Variants in RGS7 observed in about 807,000 individuals in gnomAD.
The protein encoded by RGS7 is regulator of G protein signaling 7, also known as regulator of G-protein signaling 7.
RGS7 carries 27 observed loss-of-function variants against 81.1 expected under a neutral mutation model. The observed-to-expected ratio is 0.33, with a 90% confidence interval of 0.25 to 0.46. The LOEUF is 0.46. RGS7 is among the 20% of genes least tolerant of loss of function. RGS7 has a pLI of 1.00. For synonymous variants in RGS7, 208 were observed against 207.7 expected, an observed-to-expected ratio of 1.00 and a Z score of -0.01; for missense variants, 396 against 607.4, an observed-to-expected ratio of 0.65 and a Z score of 3.66.
At chr1:241,033,362 G>T (rs1254287444) in intron 3 of RGS7, among the ~76,000 whole-genome samples, 3 of 152,000 alleles carry the variant, frequency 2.0e-5, no homozygotes, top group South Asian at 2.1e-4. Context: ...AAAAAAGCTG[G>T]CTGGGGGAGC....
intron 6 of RGS7, among the ~76,000 whole-genome samples, chr1:240,905,954 A>C (rs930242726): frequency 7.2e-5 from 11 of 152,208 alleles, no homozygotes; most frequent in Non-Finnish European, 1.6e-4. Flanking sequence ...GAAATTCACC[A>C]GTGAAAATGC....
chr1:241,112,777 G>T (rs1254396200), intron 2 of RGS7, among the ~76,000 whole-genome samples: 1 of 152,146 alleles, frequency 6.6e-6, no homozygotes, highest in African/African-American at 2.4e-5. Context: ...TTGTACCCTT[G>T]CTAGTGTTGC....
chr1:241,251,872 T>C (rs1231367688), intron 2 of RGS7, among the ~76,000 whole-genome samples: 1 of 151,964 alleles, frequency 6.6e-6, no homozygotes, highest in Non-Finnish European at 1.5e-5. Context: ...GGAAATCCTT[T>C]TGCCACTCTC....
At chr1:240,789,704 T>G (rs973455118) in intron 18 of RGS7, among the ~76,000 whole-genome samples, 2 of 152,162 alleles carry the variant, frequency 1.3e-5, no homozygotes, top group Non-Finnish European at 2.9e-5. Context: ...AGTTGTCTGC[T>G]CTCAAACCCT....
At chr1:240,926,060 C>T (rs976291764) in intron 6 of RGS7, among the ~76,000 whole-genome samples, 1 of 152,116 alleles carries the variant, frequency 6.6e-6, no homozygotes, top group East Asian at 1.9e-4. Flanking sequence ...ATATTTTCTG[C>T]CATCCTCTAG....
At chr1:241,207,123 C>T (rs1249577724) in intron 2 of RGS7, among the ~76,000 whole-genome samples, 2 of 151,566 alleles carry the variant, frequency 1.3e-5, no homozygotes, top group Admixed American at 6.6e-5. Context: ...TGCCCACCAC[C>T]ACGCCCGGCT....
chr1:240,898,641 TGA>T (rs1358134677), intron 6 of RGS7, among the ~76,000 whole-genome samples: 9 of 152,236 alleles, frequency 5.9e-5, no homozygotes, highest in Admixed American at 2.0e-4. Context: ...CACTGTGGTC[TGA>T]GAGACAGTTT....
At chr1:241,288,239 G>C (rs987934118) in intron 2 of RGS7, among the ~76,000 whole-genome samples, 2 of 152,162 alleles carry the variant, frequency 1.3e-5, no homozygotes, top group Non-Finnish European at 2.9e-5. Context: ...GGCTGGTAGT[G>C]TCTCTATTTT....
chr1:241,098,945 A>G (rs747734643), intron 2 of RGS7, among the ~76,000 whole-genome samples, 183 bp from the exon 3 acceptor site: 1 of 152,246 alleles, frequency 6.6e-6, no homozygotes, highest in African/African-American at 2.4e-5. Context: ...GGAAACAGCA[A>G]GAAAAACAGC....
rs2077766049 is a variant in RGS7, at chr1:241,269,627, T to C, written c.78+86072A>G. ...ATGAGAAAAGATTAAGTCAGGAAAATTGAAAAAGAAGGAGACAAATTGAAA... is the reference window on the plus strand; with the variant it reads ...ATGAGAAAAGATTAAGTCAGGAAAACTGAAAAAGAAGGAGACAAATTGAAA... On this transcript the variant is annotated intron_variant, in intron 2 of 18. Transcript: ENST00000440928. Among the ~76,000 whole-genome samples the C allele has an allele frequency of 2.6e-5, 4 of 151,822 alleles. No individual in the cohort carries two copies. The South Asian group carries it at 8.3e-4, about 32-fold the overall frequency.
intron 5 of RGS7, among the ~76,000 whole-genome samples, chr1:240,935,355 A>C (rs1398929600): frequency 1.3e-5 from 2 of 152,198 alleles, no homozygotes; most frequent in Non-Finnish European, 2.9e-5. Context: ...AGTTATTAAA[A>C]ATTTAATCTT....
chr1:241,325,648 C>A (rs1012934684), intron 2 of RGS7, among the ~76,000 whole-genome samples: 7 of 152,176 alleles, frequency 4.6e-5, no homozygotes, highest in African/African-American at 1.4e-4. Context: ...AACTTTTATA[C>A]AGAGACCATT....
chr1:240,792,637 C>T (rs1025316543), intron 18 of RGS7, among the ~76,000 whole-genome samples: 3 of 152,138 alleles, frequency 2.0e-5, no homozygotes, highest in African/African-American at 7.2e-5. Flanking sequence ...TCCCTGCCTA[C>T]TCTGCACTGT....
intron 2 of RGS7, among the ~76,000 whole-genome samples, chr1:241,180,299 C>T (rs920136737): frequency 3.9e-5 from 6 of 151,966 alleles, no homozygotes; most frequent in South Asian, 2.1e-4. Context: ...GGCGTGAACC[C>T]GGGAGGCGGA....
At chr1:240,928,422 G>A (rs1674835531) in intron 6 of RGS7, among the ~76,000 whole-genome samples, 1 of 152,218 alleles carries the variant, frequency 6.6e-6, no homozygotes, top group Non-Finnish European at 1.5e-5. Context: ...TTTAAGAGAT[G>A]TTCTGTAAAT....
intron 5 of RGS7, among the ~76,000 whole-genome samples, chr1:240,934,383 G>A (rs759312145): frequency 1.1e-4 from 16 of 152,074 alleles, no homozygotes; most frequent in East Asian, 5.8e-4. Context: ...ATTTCACTTC[G>A]GTGTAATAAA....
intron 10 of RGS7, among the ~76,000 whole-genome samples, chr1:240,824,822 G>A (rs1692511281): frequency 6.6e-6 from 1 of 152,090 alleles, no homozygotes; most frequent in Admixed American, 6.6e-5. Flanking sequence ...CAATAGAACT[G>A]GTGTCCTTTT....
At chr1:241,232,692 T>TG (rs1391802525) in intron 2 of RGS7, among the ~76,000 whole-genome samples, 1 of 149,522 alleles carries the variant, frequency 6.7e-6, no homozygotes, top group Non-Finnish European at 1.5e-5. Context: ...AAAAAAGGCC[T>TG]GGGGGGAGCT....
At chr1:241,354,922 G>A (rs539195931) in intron 2 of RGS7, among the ~76,000 whole-genome samples, 65 of 152,324 alleles carry the variant, frequency 4.3e-4, no homozygotes, top group Non-Finnish European at 7.4e-4. Flanking sequence ...GATTGTTGAT[G>A]ATAACCAGAG....
Sources: allele counts gnomAD v4.1 joint callset (sites outside exome capture counted in the v4.1 genomes callset), GRCh38; gene constraint gnomAD v4.1.1; transcripts MANE v1.5; gene names NCBI Gene and HGNC (gene_info 2026-07-23, HGNC 2026-07-21).